Variants in PTPRK observed in about 807,000 individuals in gnomAD.
PTPRK encodes protein tyrosine phosphatase receptor type K.
A neutral mutation model predicts 178.0 loss-of-function variants in PTPRK; 75 were observed. The ratio of observed to expected loss-of-function variants is 0.42; its 90% CI spans 0.35 to 0.51. PTPRK has a LOEUF of 0.51. Ranked by LOEUF, PTPRK falls within the 20% of genes least tolerant of loss-of-function variation. The pLI is 0.02. For missense variants in PTPRK, 1,441 were observed against 1,797.8 expected (o/e 0.80, Z 3.59); for synonymous variants, 637 against 620.6 (o/e 1.03, Z -0.39).
intron 7 of PTPRK, among the ~76,000 whole-genome samples, chr6:128,125,599 TTTC>T (rs1562629809): frequency 6.9e-6 from 1 of 144,978 alleles, no homozygotes; most frequent in African/African-American, 2.5e-5. Context: ...CCTTTGGGCT[TTTC>T]TTTTTTTTTT....
intron 7 of PTPRK, among the ~76,000 whole-genome samples, chr6:128,112,229 C>G (rs2114342865): frequency 6.6e-6 from 1 of 152,122 alleles, no homozygotes; most frequent in South Asian, 2.1e-4. Context: ...ATGACACTAG[C>G]ATTTACTTCA....
intron 10 of PTPRK, 51 bp downstream of exon 10, chr6:128,082,386 T>C (rs1416222467): frequency 5.3e-6 from 8 of 1,514,450 alleles, no homozygotes; most frequent in Non-Finnish European, 6.4e-6. Context: ...GATGTGCCAT[T>C]ACAAACCAAT....
intron 5 of PTPRK, among the ~76,000 whole-genome samples, chr6:128,230,289 A>AC (rs1448724047): frequency 2.6e-5 from 4 of 152,234 alleles, no homozygotes; most frequent in African/African-American, 9.6e-5. Context: ...GAGGAAAGGA[A>AC]TAAAGGACAA....
chr6:128,340,797 C>T lies in PTPRK; in HGVS notation c.224-18487G>A, dbSNP rs748999586. The T allele has an allele frequency of 1.0e-5, 5 of 481,148 alleles. No individual in the cohort carries two copies. The East Asian group carries it at 3.1e-4, about 30-fold the overall frequency. 29.8% of individuals were successfully genotyped at this position (481,148 alleles called of 1,614,324 possible). A position where few individuals can be genotyped will look rare whatever the true frequency, so the allele number is the denominator to read the frequency against. On this transcript the variant is annotated intron_variant, in intron 2 of 29. Transcript: ENST00000368226. Reference sequence around the variant, plus strand: ...TTACATTTCACTTTTAGGTTTGATTCTTTTGGTTTTGATCATAATGAAACA... The same window carrying T: ...TTACATTTCACTTTTAGGTTTGATTTTTTTGGTTTTGATCATAATGAAACA...
At chr6:128,436,657 C>T (rs1223864175) in intron 1 of PTPRK, among the ~76,000 whole-genome samples, 1 of 151,828 alleles carries the variant, frequency 6.6e-6, no homozygotes, top group Non-Finnish European at 1.5e-5. Flanking sequence ...ATTTTAGCCT[C>T]CCATTTTATA....
intron 7 of PTPRK, among the ~76,000 whole-genome samples, chr6:128,153,587 G>A (rs1328596953): frequency 2.0e-5 from 3 of 151,736 alleles, no homozygotes; most frequent in Non-Finnish European, 2.9e-5. Context: ...TATTTTTCAC[G>A]GCAGCTCTAC....
intron 3 of PTPRK, among the ~76,000 whole-genome samples, chr6:128,258,782 G>C (rs949231395): frequency 5.9e-5 from 9 of 152,196 alleles, no homozygotes; most frequent in Admixed American, 3.3e-4. Flanking sequence ...TGGGAAGATG[G>C]AGGTAATGCC....
chr6:128,474,486 G>A (rs1382942487), intron 1 of PTPRK, among the ~76,000 whole-genome samples: 1 of 152,068 alleles, frequency 6.6e-6, no homozygotes, highest in Non-Finnish European at 1.5e-5. Context: ...GCTGTGGACT[G>A]AATAAATGGC....
At chr6:128,430,394 G>A (rs1046530073) in intron 1 of PTPRK, among the ~76,000 whole-genome samples, 3 of 152,200 alleles carry the variant, frequency 2.0e-5, no homozygotes, top group African/African-American at 2.4e-5. Context: ...TTACAAAATC[G>A]ATATATGCTA....
chr6:128,184,135 A>G (rs186028928), intron 7 of PTPRK, among the ~76,000 whole-genome samples: 38 of 152,288 alleles, frequency 2.5e-4, no homozygotes, highest in African/African-American at 8.7e-4. Context: ...AATGCTTTCA[A>G]TTACAGCTAT....
chr6:128,406,008 A>C (rs1010242294), intron 1 of PTPRK, among the ~76,000 whole-genome samples: 1 of 151,760 alleles, frequency 6.6e-6, no homozygotes, highest in African/African-American at 2.4e-5. Flanking sequence ...TCAAAAAACA[A>C]AAAAAAAGAA....
intron 2 of PTPRK, among the ~76,000 whole-genome samples, chr6:128,386,278 A>C (rs1838708051): frequency 6.6e-6 from 1 of 151,910 alleles, no homozygotes; most frequent in South Asian, 2.1e-4. Flanking sequence ...TTGTTTGATT[A>C]AGAAGAACTT....
At chr6:128,067,355 C>G (rs1354514705) in intron 12 of PTPRK, 164 bp downstream of exon 12, 1 of 641,282 alleles carries the variant, frequency 1.6e-6, no homozygotes, top group East Asian at 3.3e-5. Context: ...GGCCTCAGCC[C>G]TACTGTAGCC....
chr6:128,295,668 C>T (rs146175666), intron 3 of PTPRK, among the ~76,000 whole-genome samples: 6 of 152,186 alleles, frequency 3.9e-5, no homozygotes, highest in African/African-American at 1.2e-4. Context: ...GACCTAAACC[C>T]TAATTCTAGC....
intron 14 of PTPRK, among the ~76,000 whole-genome samples, chr6:128,006,843 T>C (rs1778485675): frequency 1.3e-5 from 2 of 150,946 alleles, no homozygotes; most frequent in African/African-American, 4.8e-5. Flanking sequence ...AAAAACTTAC[T>C]TTATACATAT....
chr6:128,407,420 T>G (rs1841787323), intron 1 of PTPRK, among the ~76,000 whole-genome samples: 1 of 151,956 alleles, frequency 6.6e-6, no homozygotes, highest in Non-Finnish European at 1.5e-5. Flanking sequence ...TTAGATTTCT[T>G]GAGCCTAAGA....
chr6:128,282,161 A>G (rs1821781983), intron 3 of PTPRK, among the ~76,000 whole-genome samples: 1 of 152,154 alleles, frequency 6.6e-6, no homozygotes, highest in Non-Finnish European at 1.5e-5. Context: ...GAAAAGAGTG[A>G]AGCTCCCTCC....
At chr6:128,262,609 ATGAC>A (rs1818336144) in intron 3 of PTPRK, among the ~76,000 whole-genome samples, 6 of 152,120 alleles carry the variant, frequency 3.9e-5, no homozygotes, top group Non-Finnish European at 1.5e-5. Context: ...GAGGGAGAGA[ATGAC>A]AGACACTGTC....
At chr6:128,339,735 A>G (rs1831418453) in intron 2 of PTPRK, among the ~76,000 whole-genome samples, 1 of 152,172 alleles carries the variant, frequency 6.6e-6, no homozygotes, top group African/African-American at 2.4e-5. Flanking sequence ...TCTAACAAGT[A>G]AGCTCATGGT....
Sources: allele counts gnomAD v4.1 joint callset (sites outside exome capture counted in the v4.1 genomes callset), GRCh38; gene constraint gnomAD v4.1.1; transcripts MANE v1.5; gene names NCBI Gene and HGNC (gene_info 2026-07-23, HGNC 2026-07-21).